Variants in BTBD16 observed in about 807,000 individuals in gnomAD.
BTBD16 encodes the protein BTB/POZ domain-containing protein 16.
A neutral mutation model predicts 67.4 loss-of-function variants in BTBD16; 66 were observed. That is an observed-to-expected ratio of 0.98 (90% CI 0.80 to 1.20). The LOEUF is 1.20. Among genes scored for constraint, BTBD16 ranks in the 50% most tolerant of loss-of-function variants. BTBD16 has a pLI of 0.00. For synonymous variants in BTBD16, 242 were observed against 236.4 expected, an observed-to-expected ratio of 1.02 and a Z score of -0.22; for missense variants, 634 against 616.0, an observed-to-expected ratio of 1.03 and a Z score of -0.31.
intron 10 of BTBD16, among the ~76,000 whole-genome samples, chr10:122,312,590 A>G (rs2096416028): frequency 6.6e-6 from 1 of 152,074 alleles, no homozygotes; most frequent in Admixed American, 6.6e-5. Flanking sequence ...CTGGGATTAT[A>G]GGTGTGAGCC....
chr10:122,320,856 A>C (rs2096434249), intron 10 of BTBD16, among the ~76,000 whole-genome samples: 1 of 152,124 alleles, frequency 6.6e-6, no homozygotes, highest in African/African-American at 2.4e-5. Context: ...TATTTTTAAA[A>C]ATTTCAACTT....
chr10:122,338,006 TC>T lies in BTBD16; in HGVS notation c.1453-10del. On this transcript the variant is annotated splice_polypyrimidine_tract_variant and intron_variant, in intron 15 of 15. Coordinates refer to ENST00000260723, the MANE Select transcript of BTBD16 (RefSeq NM_144587.5). ...AAAGTCACATTCACTTTGTTTTTTT[TC>T]ATGTTTTAGACCTTGAAAATCCAAA... is the stretch of plus-strand genomic sequence containing the variant. 6.2e-7 allele frequency: 1 copy of T among 1,606,628 alleles called. No homozygotes were observed. Among genetic ancestry groups the T allele is most frequent in the South Asian group, 1.1e-5 (1 of 90,406 alleles).
At chr10:122,296,040 A>G (rs1349653314) in intron 7 of BTBD16, among the ~76,000 whole-genome samples, 1 of 152,042 alleles carries the variant, frequency 6.6e-6, no homozygotes, top group Admixed American at 6.6e-5. Context: ...TTTTCCTAAG[A>G]TAGGCCATAC....
At chr10:122,328,780 A>C (rs1208968416) in intron 10 of BTBD16, 1 of 985,298 alleles carries the variant, frequency 1.0e-6, no homozygotes, top group Non-Finnish European at 1.2e-6. Flanking sequence ...AGGGCAGGGA[A>C]TGCGTGTCTG....
chr10:122,278,072 C>A (rs1048288663), intron 3 of BTBD16, among the ~76,000 whole-genome samples: 1 of 152,184 alleles, frequency 6.6e-6, no homozygotes, highest in Non-Finnish European at 1.5e-5. Context: ...AGCCACTGGC[C>A]AACACTTTTC....
intron 10 of BTBD16, among the ~76,000 whole-genome samples, chr10:122,321,514 C>T (rs1183612130): frequency 6.6e-6 from 1 of 152,218 alleles, no homozygotes; most frequent in Non-Finnish European, 1.5e-5. Flanking sequence ...GCCTTGCCAA[C>T]ATTTCTTACT....
intron 10 of BTBD16, among the ~76,000 whole-genome samples, chr10:122,315,475 T>C (rs1328252531): frequency 6.6e-6 from 1 of 152,226 alleles, no homozygotes; most frequent in African/African-American, 2.4e-5. Context: ...CCTTTCTTGG[T>C]TTATCCTTAC....
At chr10:122,318,028 C>T (rs962346032) in intron 10 of BTBD16, among the ~76,000 whole-genome samples, 11 of 152,056 alleles carry the variant, frequency 7.2e-5, no homozygotes, top group East Asian at 5.8e-4. Flanking sequence ...ATCCAACAGA[C>T]GCACAGTAGG....
chr10:122,328,041 G>T (rs2096448373), intron 10 of BTBD16, among the ~76,000 whole-genome samples: 1 of 152,224 alleles, frequency 6.6e-6, no homozygotes, highest in East Asian at 1.9e-4. Flanking sequence ...AGGGAGGACG[G>T]CGTCAGCTTG....
intron 9 of BTBD16, among the ~76,000 whole-genome samples, chr10:122,304,623 C>G (rs564622690): frequency 5.6e-4 from 79 of 141,848 alleles, no homozygotes; most frequent in African/African-American, 2.1e-3. Flanking sequence ...GGCGTGATCT[C>G]TGCTCACTGC....
rs551939449 is a variant in BTBD16, at chr10:122,274,192, C to T, written c.-42-848C>T. 7.2e-5 allele frequency among the ~76,000 whole-genome samples: 11 copies of T among 152,330 alleles called. No homozygotes were observed. The East Asian group carries it at 1.4e-3, about 19-fold the overall frequency. Reference sequence around the variant, plus strand: ...GGGGAACTACCCAGTCCCCAGTGCACGTTCTTGTTGGGAGAATTAGTCAAG... The same window carrying T: ...GGGGAACTACCCAGTCCCCAGTGCATGTTCTTGTTGGGAGAATTAGTCAAG... On this transcript the variant is annotated intron_variant, in intron 1 of 15. Coordinates refer to ENST00000260723, the MANE Select transcript of BTBD16 (RefSeq NM_144587.5).
intron 1 of BTBD16, among the ~76,000 whole-genome samples, chr10:122,274,166 T>C (rs1257614830): frequency 6.6e-6 from 1 of 152,262 alleles, no homozygotes; most frequent in Non-Finnish European, 1.5e-5. Context: ...GATGTTGCTC[T>C]GGGGAACTAC....
chr10:122,336,872 A>G (rs3817287), intron 15 of BTBD16, among the ~76,000 whole-genome samples, 190 bp downstream of exon 15: 55,759 of 152,066 alleles, frequency 0.37, 10,686 homozygotes, highest in East Asian at 0.69. Context: ...ATGAAAAACC[A>G]TGGATACAGG....
intron 9 of BTBD16, among the ~76,000 whole-genome samples, chr10:122,302,723 C>T (rs1163629903): frequency 3.2e-4 from 49 of 152,212 alleles, no homozygotes; most frequent in Admixed American, 3.2e-3. Context: ...ACAATACCCA[C>T]CAATTATTCA....
chr10:122,277,045 A>C, intron 3 of BTBD16, 106 bp downstream of exon 3: 1 of 1,340,630 alleles, frequency 7.5e-7, no homozygotes, highest in Non-Finnish European at 1.0e-6. Context: ...TGTCAAGGGC[A>C]CATCTGCAAG....
At position 122,283,235 on chromosome 10, in the gene BTBD16, C is replaced by T. The variant is rs149112443; in HGVS notation, c.168-616C>T. 3.4e-3 allele frequency among the ~76,000 whole-genome samples: 513 copies of T among 152,306 alleles called. 3 individuals are homozygous for T. The highest frequency in any genetic ancestry group is 0.012 in the African/African-American group (479 of 41,556). On this transcript the variant is annotated intron_variant, in intron 3 of 15. Transcript: ENST00000260723. ...AGTGACTGGAGGGAGATCACAGGGG[C>T]TTAGACGAAGGCTATAGCAAGAACA...
intron 9 of BTBD16, among the ~76,000 whole-genome samples, chr10:122,300,254 A>G (rs1233300661): frequency 6.6e-6 from 1 of 152,200 alleles, no homozygotes; most frequent in Non-Finnish European, 1.5e-5. Flanking sequence ...AAATAATTTC[A>G]AATTTAACGT....
chr10:122,312,309 C>CTTTTTTTTTTT (rs58045019), intron 10 of BTBD16, among the ~76,000 whole-genome samples: 20 of 105,624 alleles, frequency 1.9e-4, no homozygotes, highest in Admixed American at 3.1e-4. Flanking sequence ...TTTTCTTTTT[C>CTTTTTTTTTTT]TTTTTTTTTT....
chr10:122,308,892 T>G (rs1294204501), intron 10 of BTBD16, among the ~76,000 whole-genome samples: 2 of 152,192 alleles, frequency 1.3e-5, no homozygotes, highest in African/African-American at 2.4e-5. Context: ...CCTGGGGGTC[T>G]GCTCTGGGTG....
Sources: allele counts gnomAD v4.1 joint callset (sites outside exome capture counted in the v4.1 genomes callset), GRCh38; gene constraint gnomAD v4.1.1; transcripts MANE v1.5; gene names NCBI Gene and HGNC (gene_info 2026-07-23, HGNC 2026-07-21).